Variants in NEK10 observed in about 807,000 individuals in gnomAD.
NEK10 encodes the protein NIMA related kinase 10, also known as serine/threonine-protein kinase Nek10.
NEK10 carries 122 observed loss-of-function variants against 159.8 expected under a neutral mutation model. The ratio of observed to expected loss-of-function variants is 0.76; its 90% CI spans 0.66 to 0.89. The LOEUF is 0.89. NEK10 is among the 40% of genes least tolerant of loss of function. The probability of loss-of-function intolerance (pLI) is 0.00; values close to 1 mark genes in which losing one functional copy is unlikely to be tolerated. For missense variants in NEK10, 1,342 were observed against 1,323.1 expected (o/e 1.01, Z -0.22); for synonymous variants, 466 against 457.1 (o/e 1.02, Z -0.25).
intron 23 of NEK10, among the ~76,000 whole-genome samples, chr3:27,237,161 G>A (rs778143873): frequency 7.9e-5 from 12 of 152,078 alleles, no homozygotes; most frequent in South Asian, 4.2e-4. Context: ...GCCTGACCCC[G>A]CAGGCAGTCA....
rs1947322665 is a variant in NEK10, at chr3:27,174,584, GA to G, written c.2690-60del. On this transcript the variant is annotated intron_variant, in intron 27 of 35. Coordinates refer to ENST00000691995, the MANE Select transcript of NEK10 (RefSeq NM_001394966.1). ...GAGTCTTGAAACAGGAAGGAGTCCAGAATACATTCATGTTGACACACTGCCA... is the reference window on the plus strand; with the variant it reads ...GAGTCTTGAAACAGGAAGGAGTCCAGATACATTCATGTTGACACACTGCCA... The G allele has an allele frequency of 7.5e-6, 12 of 1,601,166 alleles. No homozygotes were observed. The South Asian group carries it at 1.2e-4, about 16-fold the overall frequency.
chr3:27,298,642 T>G (rs1375424786), intron 13 of NEK10, among the ~76,000 whole-genome samples: 1 of 152,196 alleles, frequency 6.6e-6, no homozygotes, highest in Non-Finnish European at 1.5e-5. Flanking sequence ...CAGGAAAATG[T>G]GGGAAAGTTT....
intron 23 of NEK10, among the ~76,000 whole-genome samples, chr3:27,247,515 GC>G (rs1667877194): frequency 6.6e-6 from 1 of 151,988 alleles, no homozygotes; most frequent in South Asian, 2.1e-4. Flanking sequence ...GATTTGATTT[GC>G]TAGAATTTTG....
chr3:27,175,194 C>T (rs780995824), intron 26 of NEK10, among the ~76,000 whole-genome samples: 14 of 152,126 alleles, frequency 9.2e-5, no homozygotes, highest in Non-Finnish European at 1.9e-4. Flanking sequence ...CTATCAAATC[C>T]TCTCAGTACC....
At chr3:27,177,559 T>A (rs564364840) in intron 26 of NEK10, among the ~76,000 whole-genome samples, 182 of 151,126 alleles carry the variant, frequency 1.2e-3, no homozygotes, top group African/African-American at 4.0e-3. Context: ...AAAAAAAATA[T>A]ATATATATTT....
chr3:27,204,301 G>GTTTTTTTTTTTTTTTTT (rs567092116), intron 23 of NEK10, among the ~76,000 whole-genome samples: 19 of 66,332 alleles, frequency 2.9e-4, no homozygotes, highest in Admixed American at 8.0e-4. Context: ...TTTTGTTGTT[G>GTTTTTTTTTTTTTTTTT]TTTTTTTTTT....
intron 13 of NEK10, 48 bp from the exon 14 acceptor site, chr3:27,297,288 A>G: frequency 3.3e-6 from 4 of 1,212,990 alleles, no homozygotes; most frequent in Non-Finnish European, 3.7e-6. Context: ...TACAATAAAT[A>G]TACTATCACA....
chr3:27,162,717 T>A lies in NEK10; in HGVS notation c.2853A>T (p.Gly951=). The change falls in exon 30 of 36, where the codon GGA becomes GGT. Residue 951 remains glycine, a synonymous_variant. Transcript: ENST00000691995. The part of the protein sequence containing the change: ...SQTRDFTGGT[G]SRPRPASAGI... ...CTAAGTTACCTGGTCTTGGTCTTGA[T>A]CCTGTTCCTCCAGTGAAGTCCCTGA... The A allele has an allele frequency of 6.2e-7, 1 of 1,614,138 alleles. No individual in the cohort carries two copies. Among genetic ancestry groups the A allele is most frequent in the South Asian group, 1.1e-5 (1 of 91,086 alleles).
intron 10 of NEK10, among the ~76,000 whole-genome samples, chr3:27,308,150 C>T (rs2044387691): frequency 3.3e-5 from 5 of 152,112 alleles, no homozygotes; most frequent in Admixed American, 3.3e-4. Context: ...AGCAAGGCAC[C>T]TTCTTCACAA....
At chr3:27,360,476 T>G (rs182062131) in intron 1 of NEK10, among the ~76,000 whole-genome samples, 1 of 152,304 alleles carries the variant, frequency 6.6e-6, no homozygotes, top group South Asian at 2.1e-4. Flanking sequence ...GAGGAGGAAA[T>G]TAAGACCCAG....
intron 28 of NEK10, among the ~76,000 whole-genome samples, chr3:27,172,732 C>T (rs1947124935): frequency 6.6e-6 from 1 of 151,572 alleles, no homozygotes; most frequent in South Asian, 2.1e-4. Flanking sequence ...TCACAAGTAT[C>T]CATAAATAGG....
At chr3:27,131,773 C>T (rs1942647702) in intron 32 of NEK10, 107 bp downstream of exon 32, 1 of 496,026 alleles carries the variant, frequency 2.0e-6, no homozygotes, top group Non-Finnish European at 3.6e-6. Flanking sequence ...CAATAAGAAA[C>T]TTTAATAGAG....
Position 27,202,432 on chromosome 3 carries a change from GT to G in NEK10, c.2215del (p.Thr739GlnfsTer3). 7 of 1,607,080 alleles carry G rather than the reference GT, an allele frequency of 4.4e-6. No individual in the cohort carries two copies. The highest frequency in any genetic ancestry group is 6.0e-6 in the Non-Finnish European group (7 of 1,175,958). On this transcript the variant is annotated frameshift_variant, in exon 24 of 36. Transcript: ENST00000691995. LOFTEE classifies it high-confidence loss of function. ...FYSTNMLSLA[T>X]KIVEAVYEPV... ...CTGTCTCCCAGCGTTGCTTACTTTTGTAGCCAAGGACAGCATGTTAGTGCTG... is the reference window on the plus strand; with the variant it reads ...CTGTCTCCCAGCGTTGCTTACTTTTGAGCCAAGGACAGCATGTTAGTGCTG...
chr3:27,167,173 A>G (rs1380374249), intron 29 of NEK10, among the ~76,000 whole-genome samples: 1 of 152,150 alleles, frequency 6.6e-6, no homozygotes, highest in African/African-American at 2.4e-5. Flanking sequence ...CTTTAAAAAA[A>G]AAAAAATGTG....
intron 22 of NEK10, among the ~76,000 whole-genome samples, chr3:27,261,760 T>C (rs1260688337): frequency 6.6e-6 from 1 of 152,192 alleles, no homozygotes; most frequent in Non-Finnish European, 1.5e-5. Context: ...AGAGCTGAGT[T>C]CAATTCCTGG....
chr3:27,212,767 T>C (rs958812395), intron 23 of NEK10, among the ~76,000 whole-genome samples: 2 of 152,174 alleles, frequency 1.3e-5, no homozygotes, highest in African/African-American at 4.8e-5. Context: ...CAGTGACTGT[T>C]GGTTGGTGGT....
At chr3:27,203,655 G>A (rs539515770) in intron 23 of NEK10, among the ~76,000 whole-genome samples, 187 of 152,144 alleles carry the variant, frequency 1.2e-3, no homozygotes, top group African/African-American at 4.4e-3. Context: ...GTACTCTAAT[G>A]GAGTAAAGAT....
intron 23 of NEK10, among the ~76,000 whole-genome samples, chr3:27,223,259 G>A (rs1272891624): frequency 1.3e-5 from 2 of 152,128 alleles, no homozygotes; most frequent in East Asian, 3.9e-4. Flanking sequence ...CTGGAAACAA[G>A]GATCGTCAAG....
chr3:27,313,251 T>C (rs139204489), intron 7 of NEK10, among the ~76,000 whole-genome samples: 177 of 150,572 alleles, frequency 1.2e-3, no homozygotes, highest in African/African-American at 3.8e-3. Flanking sequence ...GGTGACAAAG[T>C]GAGACCCTAT....
Sources: gnomAD v4.1 joint callset for allele counts (sites outside exome capture counted in the v4.1 genomes callset) on GRCh38, gnomAD v4.1.1 for gene constraint, MANE v1.5 for transcripts, NCBI Gene and HGNC (gene_info 2026-07-23, HGNC 2026-07-21) for gene names.